Variants in SYN3 observed in about 807,000 individuals in gnomAD.
The protein encoded by SYN3 is synapsin-3.
A neutral mutation model predicts 65.8 loss-of-function variants in SYN3; 35 were observed. The observed-to-expected ratio is 0.53, with a 90% CI of 0.41 to 0.70. SYN3 has a LOEUF of 0.70. SYN3 is among the 30% of genes least tolerant of loss of function. The probability of loss-of-function intolerance (pLI) is 0.00; values close to 1 mark genes in which losing one functional copy is unlikely to be tolerated. For synonymous variants in SYN3, 270 were observed against 292.9 expected (o/e 0.92, Z 0.80); for missense variants, 680 against 749.0 (o/e 0.91, Z 1.08).
intron 6 of SYN3, among the ~76,000 whole-genome samples, chr22:32,597,592 G>A (rs1301541050): frequency 2.6e-5 from 4 of 152,118 alleles, no homozygotes; most frequent in Admixed American, 1.3e-4. Flanking sequence ...GCCACCATAC[G>A]AGGCTGCTTA....
chr22:32,716,345 G>A (rs2061039188), intron 6 of SYN3, among the ~76,000 whole-genome samples: 1 of 151,898 alleles, frequency 6.6e-6, no homozygotes, highest in Admixed American at 6.6e-5. Context: ...TAGGTATGTG[G>A]GTAGAACCAC....
At chr22:32,881,440 T>C (rs535442574) in intron 4 of SYN3, among the ~76,000 whole-genome samples, 2 of 152,300 alleles carry the variant, frequency 1.3e-5, no homozygotes, top group South Asian at 2.1e-4. Flanking sequence ...ATCAGCTCGC[T>C]CAGCAGGAAA....
chr22:32,821,825 C>G (rs191968289), intron 6 of SYN3, among the ~76,000 whole-genome samples: 1 of 152,220 alleles, frequency 6.6e-6, no homozygotes, highest in Non-Finnish European at 1.5e-5. Flanking sequence ...GTTCCCCCGT[C>G]ACTCACTGCC....
chr22:33,031,935 A>G (rs972207936), intron 1 of SYN3, among the ~76,000 whole-genome samples: 10 of 152,152 alleles, frequency 6.6e-5, no homozygotes, highest in African/African-American at 2.4e-4. Context: ...TTGGCCAGGC[A>G]TGGAGGATCA....
intron 2 of SYN3, 152 bp from the exon 3 acceptor site, chr22:32,980,854 CT>C (rs36093480): frequency 0.35 from 176,060 of 504,702 alleles, 13,707 homozygotes; most frequent in East Asian, 0.58. Context: ...TTTTCTCAGT[CT>C]TTTTTTTTTT....
At chr22:32,614,678 C>T (rs1486224980) in intron 6 of SYN3, among the ~76,000 whole-genome samples, 1 of 152,098 alleles carries the variant, frequency 6.6e-6, no homozygotes, top group Non-Finnish European at 1.5e-5. Flanking sequence ...CCTTCAATCT[C>T]CACTTCATTC....
At chr22:32,852,165 C>A (rs1272695530) in intron 6 of SYN3, among the ~76,000 whole-genome samples, 1 of 152,206 alleles carries the variant, frequency 6.6e-6, no homozygotes, top group Non-Finnish European at 1.5e-5. Flanking sequence ...GGTGAGGCAA[C>A]TGAGACCTGG....
chr22:32,800,526 T>A lies in SYN3; in HGVS notation c.711+64389A>T, dbSNP rs73158308. 3.5e-3 allele frequency among the ~76,000 whole-genome samples: 536 copies of A among 152,332 alleles called. 4 individuals are homozygous for A. The highest frequency in any genetic ancestry group is 5.2e-3 in the South Asian group (25 of 4,824). ...TTGTGAGAGCTATAATACGGTGAGA[T>A]ACAGAATCCTGCTTTTAAAAATACA... On this transcript the variant is annotated intron_variant, in intron 6 of 13. Coordinates refer to ENST00000358763, the MANE Select transcript of SYN3 (RefSeq NM_003490.4).
intron 4 of SYN3, among the ~76,000 whole-genome samples, chr22:32,873,619 TC>T (rs893123635): frequency 6.6e-6 from 1 of 152,130 alleles, no homozygotes; most frequent in African/African-American, 2.4e-5. Flanking sequence ...CTGTAACTGG[TC>T]TAAGGACGGA....
intron 1 of SYN3, among the ~76,000 whole-genome samples, chr22:33,033,154 G>C (rs1045038718): frequency 4.6e-5 from 7 of 151,862 alleles, no homozygotes. Flanking sequence ...CTAATTTTTT[G>C]TATTTTTAGT....
At chr22:32,959,973 T>A (rs1003964526) in intron 3 of SYN3, among the ~76,000 whole-genome samples, 1 of 152,260 alleles carries the variant, frequency 6.6e-6, no homozygotes, top group African/African-American at 2.4e-5. Context: ...TTTAATTTTT[T>A]AATCTGCTTA....
intron 4 of SYN3, among the ~76,000 whole-genome samples, chr22:32,888,194 A>T (rs1320008238): frequency 6.6e-6 from 1 of 152,194 alleles, no homozygotes; most frequent in Non-Finnish European, 1.5e-5. Flanking sequence ...AAGCATATGT[A>T]TGTAACATGA....
At chr22:32,516,561 A>G (rs1313503720) in intron 13 of SYN3, among the ~76,000 whole-genome samples, 1 of 151,998 alleles carries the variant, frequency 6.6e-6, no homozygotes, top group Non-Finnish European at 1.5e-5. Context: ...ATGGGGTTTC[A>G]CCATGTTGGC....
intron 3 of SYN3, among the ~76,000 whole-genome samples, chr22:32,963,306 C>G (rs969527357): frequency 1.4e-5 from 2 of 145,236 alleles, no homozygotes; most frequent in Admixed American, 1.4e-4. Context: ...AGGCTGGTCT[C>G]AAACTCCTGG....
At chr22:32,647,028 C>T (rs765748688) in intron 6 of SYN3, among the ~76,000 whole-genome samples, 9 of 152,208 alleles carry the variant, frequency 5.9e-5, no homozygotes, top group African/African-American at 1.2e-4. Flanking sequence ...GAACTTGAGT[C>T]AGCTTGAATA....
chr22:32,667,798 C>CTTTTT (rs759464712), intron 6 of SYN3, among the ~76,000 whole-genome samples: 1 of 139,136 alleles, frequency 7.2e-6, no homozygotes, highest in Non-Finnish European at 1.6e-5. Flanking sequence ...TTCTTTCTTT[C>CTTTTT]TTTTTTTTTT....
intron 6 of SYN3, among the ~76,000 whole-genome samples, chr22:32,696,552 G>C (rs2060739045): frequency 6.6e-6 from 1 of 152,234 alleles, no homozygotes; most frequent in African/African-American, 2.4e-5. Flanking sequence ...TTGTTTACAA[G>C]TATGTCTTTT....
At chr22:32,892,039 A>C (rs1373260345) in intron 4 of SYN3, among the ~76,000 whole-genome samples, 1 of 152,022 alleles carries the variant, frequency 6.6e-6, no homozygotes, top group African/African-American at 2.4e-5. Context: ...TCATACCTGT[A>C]ATCCTAGCAC....
chr22:32,855,752 A>G (rs866065655), intron 6 of SYN3, among the ~76,000 whole-genome samples: 23 of 152,318 alleles, frequency 1.5e-4, no homozygotes, highest in Middle Eastern at 3.4e-3. Context: ...TGTTGTGACA[A>G]CCAAAATTGT....
Sources: allele counts gnomAD v4.1 joint callset (sites outside exome capture counted in the v4.1 genomes callset), GRCh38; gene constraint gnomAD v4.1.1; transcripts MANE v1.5; gene names NCBI Gene and HGNC (gene_info 2026-07-23, HGNC 2026-07-21).